The following RNF169 variants were observed in gnomAD, a reference collection of about 807,000 sequenced individuals.
The protein encoded by RNF169 is E3 ubiquitin-protein ligase RNF169.
RNF169 carries 24 observed loss-of-function variants against 53.9 expected under a neutral mutation model. That is an observed-to-expected ratio of 0.45 (90% confidence interval 0.32 to 0.63). The LOEUF is 0.63. RNF169 is among the 20% of genes least tolerant of loss of function. The pLI, the probability that RNF169 is intolerant of heterozygous loss-of-function variation, is 0.04. For synonymous variants in RNF169, 396 were observed against 363.5 expected (o/e 1.09, Z -1.02); for missense variants, 883 against 906.2 (o/e 0.97, Z 0.33).
intron 1 of RNF169, among the ~76,000 whole-genome samples, chr11:74,754,814 T>C (rs186232188): frequency 1.1e-4 from 17 of 152,278 alleles, no homozygotes; most frequent in Non-Finnish European, 2.4e-4. Flanking sequence ...AGCGAGACTC[T>C]CTCTGAAAAA....
chr11:74,841,009 C>T lies in RNF169; in HGVS notation c.*4279C>T, dbSNP rs1177856487. 3 of 151,680 alleles carry T rather than the reference C, an allele frequency of 2.0e-5. No individual in the cohort carries two copies. The highest frequency in any genetic ancestry group is 2.9e-5 in the Non-Finnish European group (2 of 67,952). 9.4% of individuals were successfully genotyped at this position (151,680 alleles called of 1,614,324 possible). A position where few individuals can be genotyped will look rare whatever the true frequency, so the allele number is the denominator to read the frequency against. ...AGTTAGAGTTAAATGTACCTATAGC[C>T]CCTGAATACATGCTCAGGTAGAGAA... On this transcript the variant is annotated 3_prime_UTR_variant, in exon 6 of 6. Transcript: ENST00000299563.
intron 3 of RNF169, among the ~76,000 whole-genome samples, chr11:74,814,611 G>C (rs1014332816): frequency 8.6e-5 from 13 of 151,676 alleles, no homozygotes; most frequent in African/African-American, 3.1e-4. Context: ...AGCTGGTCTT[G>C]AACTCCGGGG....
At chr11:74,752,206 T>C (rs1322597210) in intron 1 of RNF169, among the ~76,000 whole-genome samples, 1 of 135,818 alleles carries the variant, frequency 7.4e-6, no homozygotes, top group African/African-American at 2.9e-5. Context: ...CACTCTAGCC[T>C]GTTGACAGAG....
rs1037236544 is a variant in RNF169, at chr11:74,839,962, T to A, written c.*3232T>A. 2 of 152,244 alleles carry A rather than the reference T, an allele frequency of 1.3e-5. No homozygotes were observed. The highest frequency in any genetic ancestry group is 4.8e-5 in the African/African-American group (2 of 41,458). The allele number at this position is 152,244 out of a possible 1,614,324, so 9.4% of individuals were successfully genotyped here. A position where few individuals can be genotyped will look rare whatever the true frequency, so the allele number is the denominator to read the frequency against. Reference sequence around the variant, plus strand: ...ATTTTTTAAATTTTAATTTAATTTTTAAATTTTTGCTTGGAAGCAGCACTG... The same window carrying A: ...ATTTTTTAAATTTTAATTTAATTTTAAAATTTTTGCTTGGAAGCAGCACTG... On this transcript the variant is annotated 3_prime_UTR_variant, in exon 6 of 6. Transcript: ENST00000299563.
intron 2 of RNF169, among the ~76,000 whole-genome samples, chr11:74,805,767 G>A (rs879698597): frequency 3.9e-5 from 6 of 152,028 alleles, no homozygotes; most frequent in Admixed American, 1.3e-4. Context: ...TTTGAACTAC[G>A]TGAGTTTATC....
At chr11:74,834,042 A>G (rs957512474) in intron 4 of RNF169, among the ~76,000 whole-genome samples, 1 of 152,224 alleles carries the variant, frequency 6.6e-6, no homozygotes, top group African/African-American at 2.4e-5. Flanking sequence ...GGTACTTACT[A>G]TGCTATAGTG....
Position 74,805,407 on chromosome 11 carries a change from G to T in RNF169, c.577-4777G>T, listed in dbSNP as rs533386173. Among the ~76,000 whole-genome samples the T allele has an allele frequency of 4.6e-5, 7 of 152,314 alleles. No homozygotes were observed. In the East Asian group the frequency reaches 1.3e-3, roughly 29 times the overall value. ...AATAGGTTCAAAAGGACTTTCTGGGGATGGTAGAAATGTTCTGTATCTTGA... is the reference window on the plus strand; with the variant it reads ...AATAGGTTCAAAAGGACTTTCTGGGTATGGTAGAAATGTTCTGTATCTTGA... On this transcript the variant is annotated intron_variant, in intron 2 of 5. Coordinates refer to ENST00000299563, the MANE Select transcript of RNF169 (RefSeq NM_001098638.2).
At chr11:74,777,817 G>C (rs999761515) in intron 1 of RNF169, among the ~76,000 whole-genome samples, 1 of 151,880 alleles carries the variant, frequency 6.6e-6, no homozygotes, top group Non-Finnish European at 1.5e-5. Context: ...TTGTGCAGAT[G>C]GAGTCTCATT....
intron 1 of RNF169, among the ~76,000 whole-genome samples, chr11:74,752,252 A>AG (rs58481659): frequency 2.2e-5 from 3 of 138,454 alleles, no homozygotes; most frequent in Non-Finnish European, 3.1e-5. Context: ...AAAAAAAAAA[A>AG]GGGAAAAAAA....
chr11:74,811,015 C>G (rs977185742), intron 3 of RNF169, among the ~76,000 whole-genome samples: 3 of 151,982 alleles, frequency 2.0e-5, no homozygotes, highest in Non-Finnish European at 4.4e-5. Flanking sequence ...CTTTAGACTC[C>G]TATCTTTTAA....
chr11:74,831,076 C>G (rs2036170916), intron 4 of RNF169: 1 of 152,088 alleles, frequency 6.6e-6, no homozygotes, highest in South Asian at 2.1e-4. Flanking sequence ...AACTTTCCTC[C>G]CAGTAGCAGG....
intron 1 of RNF169, among the ~76,000 whole-genome samples, chr11:74,759,553 A>C (rs1282218849): frequency 7.0e-6 from 1 of 143,356 alleles, no homozygotes; most frequent in Non-Finnish European, 1.5e-5. Flanking sequence ...CTTTTTCTGC[A>C]TCTATTGAGA....
At chr11:74,784,523 C>T (rs542039536) in intron 1 of RNF169, among the ~76,000 whole-genome samples, 10 of 152,210 alleles carry the variant, frequency 6.6e-5, no homozygotes, top group African/African-American at 2.2e-4. Context: ...AGTCCTCTCT[C>T]AGTGGAGGCA....
chr11:74,821,157 A>G (rs548145787), intron 4 of RNF169, among the ~76,000 whole-genome samples: 12 of 152,358 alleles, frequency 7.9e-5, no homozygotes, highest in Middle Eastern at 3.4e-3. Flanking sequence ...GAAATTATCT[A>G]TCTTTGCAAC....
At chr11:74,811,093 T>G (rs888431320) in intron 3 of RNF169, among the ~76,000 whole-genome samples, 1 of 152,088 alleles carries the variant, frequency 6.6e-6, no homozygotes, top group African/African-American at 2.4e-5. Context: ...TCGATAAAGC[T>G]TTACCATCTA....
chr11:74,765,561 GA>G (rs1451447662), intron 1 of RNF169, among the ~76,000 whole-genome samples: 1 of 152,156 alleles, frequency 6.6e-6, no homozygotes, highest in Non-Finnish European at 1.5e-5. Context: ...AGCACTTTGG[GA>G]GGCCAAGGCG....
intron 1 of RNF169, among the ~76,000 whole-genome samples, chr11:74,768,358 G>A (rs1349247359): frequency 6.6e-6 from 1 of 152,124 alleles, no homozygotes; most frequent in Non-Finnish European, 1.5e-5. Context: ...TGTAATCCCA[G>A]CACTTCAGGA....
intron 1 of RNF169, among the ~76,000 whole-genome samples, chr11:74,750,588 CTTTTTTT>C (rs71036015): frequency 3.7e-5 from 2 of 54,500 alleles, no homozygotes; most frequent in Admixed American, 3.2e-4. Flanking sequence ...CTCCCCTCAC[CTTTTTTT>C]TTTTTTTTTT....
Position 74,821,465 on chromosome 11 carries a change from C to T in RNF169, c.842+3751C>T, listed in dbSNP as rs1214793780. On this transcript the variant is annotated intron_variant, in intron 4 of 5. Coordinates refer to ENST00000299563, the MANE Select transcript of RNF169 (RefSeq NM_001098638.2). ...CGAGGTCAGGAGATCGAGACCATCC[C>T]GGCTAAAATGGTGAAACCCCGTCTC... 5.3e-5 allele frequency among the ~76,000 whole-genome samples: 4 copies of T among 75,336 alleles called. 1 individual carries two copies. The highest frequency in any genetic ancestry group is 2.4e-4 in the African/African-American group (2 of 8,500). The allele number at this position is 75,336 out of a possible 152,430, so 49.4% of individuals were successfully genotyped here.
Sources: allele counts gnomAD v4.1 joint callset (sites outside exome capture counted in the v4.1 genomes callset), GRCh38; gene constraint gnomAD v4.1.1; transcripts MANE v1.5; gene names NCBI Gene and HGNC (gene_info 2026-07-23, HGNC 2026-07-21).